Variants in AFG2A observed in about 807,000 individuals in gnomAD.
AFG2A encodes AAA ATPase AFG2A.
the AFG2A span, among the ~76,000 whole-genome samples, chr4:123,164,442 C>T: frequency 4.1e-4 from 62 of 152,192 alleles, no homozygotes; most frequent in Admixed American, 4.6e-4. Context: ...CGGCTCACTA[C>T]AACCTCCGCC....
chr4:123,002,266 A>G, the AFG2A span, among the ~76,000 whole-genome samples: 1 of 152,016 alleles, frequency 6.6e-6, no homozygotes, highest in African/African-American at 2.4e-5. Context: ...CCAATTTGCC[A>G]GTCTGTGTCT....
chr4:122,938,273 T>A, the AFG2A span: 11 of 1,540,330 alleles, frequency 7.1e-6, no homozygotes, highest in Middle Eastern at 6.9e-4. Context: ...TAGTATTGAT[T>A]CTGTGTAGGG....
chr4:123,091,918 C>T, the AFG2A span, among the ~76,000 whole-genome samples: 4 of 152,284 alleles, frequency 2.6e-5, no homozygotes, highest in African/African-American at 9.6e-5. Context: ...TTCCTGTGTA[C>T]ATATACACAT....
At chr4:123,073,643 G>T in the AFG2A span, among the ~76,000 whole-genome samples, 4 of 152,212 alleles carry the variant, frequency 2.6e-5, no homozygotes, top group East Asian at 7.7e-4. Context: ...CTTCGTCAAA[G>T]AAAACTGACT....
the AFG2A span, among the ~76,000 whole-genome samples, chr4:123,050,288 GATGAAATGTTCCGTAA>G: frequency 3.3e-5 from 5 of 152,168 alleles, no homozygotes; most frequent in Admixed American, 6.6e-5. Flanking sequence ...GCAGCAGTTA[GATGAAATGTTCCGTAA>G]ATGTCTGTTA....
the AFG2A span, among the ~76,000 whole-genome samples, chr4:123,074,443 T>C: frequency 5.7e-5 from 1 of 17,564 alleles, no homozygotes; most frequent in Non-Finnish European, 1.2e-4. Flanking sequence ...TCCATTCTTT[T>C]TTTCTTTTTT....
chr4:123,212,602 AT>A, the AFG2A span, among the ~76,000 whole-genome samples: 1 of 152,156 alleles, frequency 6.6e-6, no homozygotes, highest in Non-Finnish European at 1.5e-5. Context: ...TAAAATATGA[AT>A]TGTGAGTCAT....
At chr4:123,150,816 T>C in the AFG2A span, among the ~76,000 whole-genome samples, 46 of 152,084 alleles carry the variant, frequency 3.0e-4, no homozygotes, top group Non-Finnish European at 4.9e-4. Flanking sequence ...GCCAAGACAA[T>C]CCTAAGCAAA....
At chr4:123,094,793 G>C in the AFG2A span, among the ~76,000 whole-genome samples, 9 of 151,864 alleles carry the variant, frequency 5.9e-5, no homozygotes, top group African/African-American at 1.9e-4. Context: ...TTTCTAGAAA[G>C]TCTACCACGA....
At chr4:122,977,643 C>A in the AFG2A span, among the ~76,000 whole-genome samples, 1 of 152,192 alleles carries the variant, frequency 6.6e-6, no homozygotes, top group East Asian at 1.9e-4. Context: ...GACCAGTGGG[C>A]GTGTTTCAGT....
At chr4:123,266,342 C>A in the AFG2A span, among the ~76,000 whole-genome samples, 1 of 151,764 alleles carries the variant, frequency 6.6e-6, no homozygotes, top group Non-Finnish European at 1.5e-5. Flanking sequence ...CACAGTTGTC[C>A]AGATTAGATG....
the AFG2A span, among the ~76,000 whole-genome samples, chr4:122,943,238 G>T: frequency 1.1e-3 from 169 of 152,044 alleles, 1 homozygote; most frequent in African/African-American, 5.8e-4. Context: ...AGTGGGGTGT[G>T]AAAGTCTCCC....
chr4:123,058,882 A>G, the AFG2A span, among the ~76,000 whole-genome samples: 1 of 152,154 alleles, frequency 6.6e-6, no homozygotes, highest in Non-Finnish European at 1.5e-5. Context: ...CAGTCCCTCA[A>G]AGTCTTAACT....
chr4:123,097,255 C>T, the AFG2A span, among the ~76,000 whole-genome samples: 1 of 151,854 alleles, frequency 6.6e-6, no homozygotes, highest in Non-Finnish European at 1.5e-5. Context: ...GACTAGTATT[C>T]CAAAAATACC....
the AFG2A span, among the ~76,000 whole-genome samples, chr4:123,063,064 T>C: frequency 3.3e-5 from 5 of 152,228 alleles, no homozygotes; most frequent in African/African-American, 1.2e-4. Flanking sequence ...TTCGTCTTTT[T>C]TTCCTAATTA....
the AFG2A span, among the ~76,000 whole-genome samples, chr4:123,225,548 C>G: frequency 6.6e-6 from 1 of 152,236 alleles, no homozygotes; most frequent in African/African-American, 2.4e-5. Flanking sequence ...TCTGAGGGCT[C>G]TGTTCTGTTC....
At chr4:123,071,635 A>C in the AFG2A span, among the ~76,000 whole-genome samples, 1 of 152,200 alleles carries the variant, frequency 6.6e-6, no homozygotes, top group African/African-American at 2.4e-5. Context: ...GTCACTCTCT[A>C]TGTTAACAGT....
the AFG2A span, among the ~76,000 whole-genome samples, chr4:123,215,794 A>C: frequency 1.3e-5 from 2 of 152,126 alleles, no homozygotes; most frequent in Non-Finnish European, 2.9e-5. Flanking sequence ...GCATTTTCAA[A>C]AGTGTGACAA....
the AFG2A span, among the ~76,000 whole-genome samples, chr4:123,285,090 T>C: frequency 0.016 from 2,431 of 152,174 alleles, 35 homozygotes; most frequent in Non-Finnish European, 0.025. Flanking sequence ...CATAATTCGC[T>C]TCTCAAACCC....
Sources: allele counts gnomAD v4.1 joint callset (sites outside exome capture counted in the v4.1 genomes callset), GRCh38; gene constraint gnomAD v4.1.1; transcripts MANE v1.5; gene names NCBI Gene and HGNC (gene_info 2026-07-23, HGNC 2026-07-21).